Variants in RBMS3 observed in about 807,000 individuals in gnomAD.
The protein encoded by RBMS3 is RNA-binding motif, single-stranded-interacting protein 3.
In RBMS3, 27 loss-of-function variants were observed where a neutral mutation model predicts 66.8. The observed-to-expected ratio is 0.40, with a 90% CI of 0.30 to 0.56. The LOEUF (loss-of-function observed/expected upper bound fraction) is 0.56. Among genes scored for constraint, RBMS3 ranks in the 20% least tolerant of loss-of-function variants. The pLI is 0.40. For synonymous variants in RBMS3, 188 were observed against 183.0 expected (o/e 1.03, Z -0.22); for missense variants, 513 against 549.5 (o/e 0.93, Z 0.66).
intron 10 of RBMS3, among the ~76,000 whole-genome samples, chr3:29,907,523 A>G (rs2060410303): frequency 2.0e-5 from 3 of 152,002 alleles, no homozygotes; most frequent in Admixed American, 6.6e-5. Context: ...TTGTATTAAT[A>G]TATTTGTAAT....
intron 1 of RBMS3, among the ~76,000 whole-genome samples, chr3:29,375,914 C>T (rs913591456): frequency 3.3e-5 from 5 of 152,092 alleles, no homozygotes; most frequent in Non-Finnish European, 7.4e-5. Flanking sequence ...CTCATTGTAG[C>T]ACTACTCACA....
intron 3 of RBMS3, among the ~76,000 whole-genome samples, chr3:29,502,174 A>G (rs918254548): frequency 1.3e-5 from 2 of 152,076 alleles, no homozygotes; most frequent in Admixed American, 1.3e-4. Flanking sequence ...CTGCTTGGCC[A>G]TTGAAGACAT....
chr3:29,354,799 A>G (rs912128112), intron 1 of RBMS3, among the ~76,000 whole-genome samples: 1 of 152,272 alleles, frequency 6.6e-6, no homozygotes, highest in Non-Finnish European at 1.5e-5. Context: ...AGGCAATGCC[A>G]GTGTTGGCTA....
intron 3 of RBMS3, among the ~76,000 whole-genome samples, chr3:29,563,421 T>C (rs1189848658): frequency 6.6e-6 from 1 of 152,208 alleles, no homozygotes. Context: ...ATTTCTTTAG[T>C]ACCTGCCACA....
chr3:29,816,379 C>A (rs1185811030), intron 6 of RBMS3, among the ~76,000 whole-genome samples: 1 of 151,912 alleles, frequency 6.6e-6, no homozygotes, highest in African/African-American at 2.4e-5. Flanking sequence ...CATCATATGA[C>A]CCACTCCCCT....
chr3:29,658,846 G>A (rs1204231845), intron 4 of RBMS3, among the ~76,000 whole-genome samples: 5 of 152,240 alleles, frequency 3.3e-5, no homozygotes, highest in African/African-American at 9.6e-5. Flanking sequence ...TGTTTGAGAC[G>A]GAGTCTCGCT....
intron 3 of RBMS3, among the ~76,000 whole-genome samples, chr3:29,530,257 C>A (rs915838215): frequency 2.0e-5 from 3 of 152,116 alleles, no homozygotes; most frequent in African/African-American, 7.2e-5. Flanking sequence ...TTAATCAACA[C>A]CGATTCTGAC....
chr3:29,396,591 G>C (rs749781418), intron 1 of RBMS3, among the ~76,000 whole-genome samples: 1 of 152,076 alleles, frequency 6.6e-6, no homozygotes, highest in Non-Finnish European at 1.5e-5. Context: ...TTCACTCTTG[G>C]ACGGTTCAGG....
At chr3:29,748,265 A>C (rs2055015354) in intron 5 of RBMS3, among the ~76,000 whole-genome samples, 1 of 152,142 alleles carries the variant, frequency 6.6e-6, no homozygotes, top group Admixed American at 6.5e-5. Context: ...GGGAAATAGA[A>C]AGGAAACAAA....
chr3:29,352,860 G>A (rs527866013), intron 1 of RBMS3, among the ~76,000 whole-genome samples: 1 of 151,430 alleles, frequency 6.6e-6, no homozygotes, highest in African/African-American at 2.4e-5. Context: ...TCTCTGCCAG[G>A]CCTATTTTAC....
chr3:29,629,951 G>T (rs1457648), intron 4 of RBMS3, among the ~76,000 whole-genome samples: 14,206 of 152,006 alleles, frequency 0.093, 1,189 homozygotes, highest in East Asian at 0.35. Context: ...TTCATAGTAG[G>T]TCACAGGAAA....
intron 3 of RBMS3, 118 bp from the exon 4 acceptor site, chr3:29,586,996 C>A: frequency 2.9e-6 from 2 of 679,192 alleles, no homozygotes; most frequent in South Asian, 2.2e-5. Context: ...TAATGTTCAA[C>A]CAGGGTAATA....
intron 1 of RBMS3, among the ~76,000 whole-genome samples, chr3:29,376,763 T>A (rs2038492252): frequency 6.6e-6 from 1 of 151,988 alleles, no homozygotes; most frequent in African/African-American, 2.4e-5. Flanking sequence ...AAAAATTACC[T>A]GGCGTGGTGG....
intron 3 of RBMS3, among the ~76,000 whole-genome samples, chr3:29,509,274 T>C (rs2044303042): frequency 6.6e-6 from 1 of 152,148 alleles, no homozygotes; most frequent in African/African-American, 2.4e-5. Flanking sequence ...TACCTAATTA[T>C]TTACATGCCA....
At chr3:29,783,129 G>A (rs1351983012) in intron 6 of RBMS3, among the ~76,000 whole-genome samples, 1 of 152,054 alleles carries the variant, frequency 6.6e-6, no homozygotes, top group African/African-American at 2.4e-5. Flanking sequence ...CACATTTGAG[G>A]GAATAATCCA....
intron 8 of RBMS3, among the ~76,000 whole-genome samples, chr3:29,889,424 GA>G (rs1230362037): frequency 3.3e-5 from 5 of 151,714 alleles, no homozygotes; most frequent in African/African-American, 1.2e-4. Flanking sequence ...GGTTAAGAGT[GA>G]AAACTTCAGA....
chr3:29,701,797 C>T (rs2052600787), intron 4 of RBMS3, among the ~76,000 whole-genome samples: 1 of 152,154 alleles, frequency 6.6e-6, no homozygotes, highest in South Asian at 2.1e-4. Flanking sequence ...CGGGCCTCAG[C>T]TGTCTCCCAG....
chr3:29,727,847 G>A (rs576663069), intron 4 of RBMS3, among the ~76,000 whole-genome samples: 5 of 151,944 alleles, frequency 3.3e-5, no homozygotes, highest in Admixed American at 6.6e-5. Flanking sequence ...CCCAGCAATC[G>A]CATTACTGGG....
At chr3:29,320,585 C>G (rs1002330534) in intron 1 of RBMS3, among the ~76,000 whole-genome samples, 12 of 151,862 alleles carry the variant, frequency 7.9e-5, no homozygotes, top group Admixed American at 5.3e-4. Flanking sequence ...GAATTTTATT[C>G]ACTTACAGAG....
Sources: gnomAD v4.1 joint callset for allele counts (sites outside exome capture counted in the v4.1 genomes callset) on GRCh38, gnomAD v4.1.1 for gene constraint, MANE v1.5 for transcripts, NCBI Gene and HGNC (gene_info 2026-07-23, HGNC 2026-07-21) for gene names.